Variants in LARGE1 observed in about 807,000 individuals in gnomAD.
LARGE1 encodes xylosyl- and glucuronyltransferase LARGE1.
LARGE1 carries 43 observed loss-of-function variants against 87.6 expected under a neutral mutation model. The observed-to-expected ratio is 0.49, with a 90% CI of 0.38 to 0.63. The LOEUF is 0.63. Ranked by LOEUF, LARGE1 falls within the 30% of genes least tolerant of loss-of-function variation. LARGE1 has a pLI of 0.00. For synonymous variants in LARGE1, 434 were observed against 394.6 expected, an observed-to-expected ratio of 1.10 and a Z score of -1.18; for missense variants, 802 against 1,000.2, an observed-to-expected ratio of 0.80 and a Z score of 2.67.
intron 11 of LARGE1, among the ~76,000 whole-genome samples, chr22:33,181,856 A>C (rs1028961873): frequency 9.9e-6 from 1 of 101,446 alleles, no homozygotes; most frequent in Non-Finnish European, 1.8e-5. Flanking sequence ...TTTTACATGG[A>C]GTCTTGCTCT....
chr22:33,262,823 ACTTC>A (rs747605556), intron 11 of LARGE1, among the ~76,000 whole-genome samples: 47 of 110,124 alleles, frequency 4.3e-4, no homozygotes, highest in Non-Finnish European at 6.7e-4. Flanking sequence ...TTCCTTCCTG[ACTTC>A]CTTCCTTCAC....
intron 7 of LARGE1, among the ~76,000 whole-genome samples, chr22:33,414,660 T>C (rs1261361935): frequency 6.6e-6 from 1 of 152,228 alleles, no homozygotes; most frequent in African/African-American, 2.4e-5. Context: ...TTTCCAGGCA[T>C]GTGCTCTGGT....
At chr22:33,452,024 C>T (rs5754558) in intron 6 of LARGE1, among the ~76,000 whole-genome samples, 50,658 of 152,060 alleles carry the variant, frequency 0.33, 9,420 homozygotes, top group African/African-American at 0.51. Context: ...CATTCCAACC[C>T]GAATCTGCTC....
rs921165192 is a variant in LARGE1, at chr22:33,592,841, T to C, written c.615+11594A>G. Among the ~76,000 whole-genome samples, 7 of 123,498 alleles carry C rather than the reference T, an allele frequency of 5.7e-5. No individual in the cohort carries two copies. In the East Asian group the frequency reaches 1.7e-3, roughly 30 times the overall value. The allele number at this position is 123,498 out of a possible 152,430, so 81.0% of individuals were successfully genotyped here. On this transcript the variant is annotated intron_variant, in intron 5 of 14. Transcript: ENST00000397394. The stretch of plus-strand genomic sequence containing the variant: ...TTTTTTCTGTTTTTGTTTGTTTGTT[T>C]GTGTGTGTGTATTTTTTGAGACGGA...
chr22:33,726,673 A>G (rs2083281237), intron 2 of LARGE1, among the ~76,000 whole-genome samples: 1 of 152,192 alleles, frequency 6.6e-6, no homozygotes, highest in Non-Finnish European at 1.5e-5. Context: ...CCAGATGTGC[A>G]AAGTCCTTTT....
At chr22:33,796,312 G>A (rs940787059) in intron 1 of LARGE1, among the ~76,000 whole-genome samples, 3 of 152,190 alleles carry the variant, frequency 2.0e-5, no homozygotes, top group Non-Finnish European at 4.4e-5. Flanking sequence ...ACGAGAAGTG[G>A]AGAATACGCA....
chr22:33,703,366 A>G (rs967374756), intron 2 of LARGE1, among the ~76,000 whole-genome samples: 16 of 152,152 alleles, frequency 1.1e-4, no homozygotes, highest in African/African-American at 3.6e-4. Flanking sequence ...AAAAAAAAAA[A>G]AAAAATAAAA....
intron 7 of LARGE1, among the ~76,000 whole-genome samples, chr22:33,416,680 T>C (rs1166802614): frequency 6.6e-6 from 1 of 152,144 alleles, no homozygotes; most frequent in South Asian, 2.1e-4. Context: ...CTCGGCTCAC[T>C]GCAACCTCCA....
chr22:33,723,401 C>T (rs1160090170), intron 2 of LARGE1, among the ~76,000 whole-genome samples: 1 of 151,974 alleles, frequency 6.6e-6, no homozygotes, highest in Non-Finnish European at 1.5e-5. Flanking sequence ...GGGTGATGTA[C>T]AAAGAAATTC....
chr22:33,479,776 A>G (rs5749618), intron 6 of LARGE1, among the ~76,000 whole-genome samples: 36,565 of 147,626 alleles, frequency 0.25, 4,792 homozygotes, highest in African/African-American at 0.34. Flanking sequence ...ACAGAGTCTC[A>G]CTTTGTCGCC....
At chr22:33,505,252 T>C (rs2070707255) in intron 6 of LARGE1, among the ~76,000 whole-genome samples, 2 of 152,328 alleles carry the variant, frequency 1.3e-5, no homozygotes, top group South Asian at 4.1e-4. Flanking sequence ...AGCGGCCTGC[T>C]AGAGCAGACA....
At chr22:33,329,599 A>G (rs1474755941) in intron 10 of LARGE1, among the ~76,000 whole-genome samples, 2 of 152,078 alleles carry the variant, frequency 1.3e-5, no homozygotes, top group African/African-American at 4.8e-5. Flanking sequence ...GTTAAACAGT[A>G]TCTTTCCTCC....
chr22:33,078,720 C>T, the LARGE1 span, among the ~76,000 whole-genome samples: 2 of 152,120 alleles, frequency 1.3e-5, no homozygotes, highest in Admixed American at 6.5e-5. Context: ...GTGCAAGATA[C>T]CAGAGATGCT....
At chr22:33,526,650 G>C (rs935005565) in intron 6 of LARGE1, among the ~76,000 whole-genome samples, 1 of 152,254 alleles carries the variant, frequency 6.6e-6, no homozygotes, top group African/African-American at 2.4e-5. Flanking sequence ...TTCAGAGAGA[G>C]AACACAGAAC....
Position 33,565,008 on chromosome 22 carries a change from G to A in LARGE1, c.627C>T (p.Ser209=). ...YNADELKSEV[S]WIPNKHYSGI... ...CAGAGTAATGTTTATTGGGGATCCA[G>A]GAAACTTCAGACTAGACAGAACAAG... Residue 209 remains serine, a synonymous_variant, in exon 6 of 15, where the codon TCC becomes TCT. Coordinates refer to ENST00000397394, the MANE Select transcript of LARGE1 (RefSeq NM_133642.5). The A allele has an allele frequency of 6.2e-7, 1 of 1,614,038 alleles. No individual in the cohort carries two copies. The highest frequency in any genetic ancestry group is 8.5e-7 in the Non-Finnish European group (1 of 1,179,970).
intron 11 of LARGE1, among the ~76,000 whole-genome samples, chr22:33,221,188 G>GAGAGA (rs766697708): frequency 2.1e-4 from 26 of 123,744 alleles, no homozygotes; most frequent in African/African-American, 9.6e-4. Context: ...AGAGAGAGAG[G>GAGAGA]GAATAACACA....
intron 6 of LARGE1, among the ~76,000 whole-genome samples, chr22:33,534,584 G>C (rs1485271970): frequency 6.6e-6 from 1 of 152,188 alleles, no homozygotes; most frequent in African/African-American, 2.4e-5. Flanking sequence ...AATGGCGACT[G>C]CAAGTGTCAA....
intron 2 of LARGE1, among the ~76,000 whole-genome samples, chr22:33,757,137 G>C (rs986437604): frequency 4.6e-5 from 7 of 152,150 alleles, no homozygotes; most frequent in African/African-American, 1.7e-4. Context: ...TCAAGGAATG[G>C]GAATCTCATC....
At chr22:33,727,099 CA>C (rs773550892) in intron 2 of LARGE1, among the ~76,000 whole-genome samples, 7 of 152,124 alleles carry the variant, frequency 4.6e-5, no homozygotes, top group African/African-American at 1.2e-4. Flanking sequence ...GTCAAGGTGA[CA>C]GGGGGAAGCC....
Sources: gnomAD v4.1 joint callset for allele counts (sites outside exome capture counted in the v4.1 genomes callset) on GRCh38, gnomAD v4.1.1 for gene constraint, MANE v1.5 for transcripts, NCBI Gene and HGNC (gene_info 2026-07-23, HGNC 2026-07-21) for gene names.